Variants in PSMA1 observed in about 807,000 individuals in gnomAD.
PSMA1 encodes proteasome 20S subunit alpha 1, also known as proteasome subunit alpha type-1.
A neutral mutation model predicts 38.4 loss-of-function variants in PSMA1; 3 were observed. The observed-to-expected ratio is 0.08, with a 90% CI of 0.04 to 0.20. The LOEUF (loss-of-function observed/expected upper bound fraction) is 0.20. Ranked by LOEUF, PSMA1 falls within the 10% of genes least tolerant of loss-of-function variation. The pLI is 1.00. For synonymous variants in PSMA1, 101 were observed against 107.1 expected (o/e 0.94, Z 0.35); for missense variants, 227 against 325.3 (o/e 0.70, Z 2.32).
intron 2 of PSMA1, among the ~76,000 whole-genome samples, chr11:14,561,322 CT>C (rs1852005288): frequency 6.6e-6 from 1 of 152,158 alleles, no homozygotes; most frequent in Non-Finnish European, 1.5e-5. Context: ...ATAACATTAC[CT>C]GAGACTGTCC....
At chr11:14,589,328 GAT>G (rs143979548) in intron 2 of PSMA1, among the ~76,000 whole-genome samples, 22 of 148,404 alleles carry the variant, frequency 1.5e-4, no homozygotes, top group Non-Finnish European at 2.2e-4. Context: ...CATTAGGGAA[GAT>G]ATATATATAT....
At chr11:14,581,948 C>G (rs1852286121) in intron 2 of PSMA1, among the ~76,000 whole-genome samples, 1 of 152,214 alleles carries the variant, frequency 6.6e-6, no homozygotes, top group Non-Finnish European at 1.5e-5. Flanking sequence ...CCAGCAAAAA[C>G]TTTGCCCCTG....
chr11:14,583,400 A>T (rs992590138), intron 2 of PSMA1, among the ~76,000 whole-genome samples: 1 of 152,198 alleles, frequency 6.6e-6, no homozygotes, highest in African/African-American at 2.4e-5. Flanking sequence ...CTGGAGATGC[A>T]GACGAGTGCC....
At chr11:14,629,223 T>C (rs1338195612) in intron 1 of PSMA1, among the ~76,000 whole-genome samples, 2 of 152,162 alleles carry the variant, frequency 1.3e-5, no homozygotes, top group Non-Finnish European at 2.9e-5. Flanking sequence ...TTTGGTGTTT[T>C]AGACATGAAG....
chr11:14,577,797 T>C, intron 2 of PSMA1, among the ~76,000 whole-genome samples: 1 of 152,158 alleles, frequency 6.6e-6, no homozygotes, highest in East Asian at 1.9e-4. Flanking sequence ...AGTGTTCACA[T>C]CCTTAACTAT....
rs546181038 is a variant in PSMA1 at position 14,548,778 on chromosome 11, A to G, written c.22-29737T>C. On this transcript the variant is annotated intron_variant, in intron 2 of 10. Coordinates refer to the PSMA1 transcript ENST00000418988. ...AATTAATTCGCATCTTAAGCCACAA[A>G]TTAAAAATATATTGTCTTTTCTTGA... Among the ~76,000 whole-genome samples, 42 of 152,346 alleles carry G rather than the reference A, an allele frequency of 2.8e-4. No homozygotes were observed. In the South Asian group the frequency reaches 6.2e-3, roughly 23 times the overall value.
chr11:14,547,392 T>C (rs1260755227), intron 2 of PSMA1, among the ~76,000 whole-genome samples: 2 of 152,242 alleles, frequency 1.3e-5, no homozygotes, highest in Admixed American at 1.3e-4. Context: ...AACAATTTTC[T>C]GGGCAGTATA....
At chr11:14,522,588 T>C (rs888582691), upstream of PSMA1, among the ~76,000 whole-genome samples, 1 of 152,176 alleles carries the variant, frequency 6.6e-6, no homozygotes, top group South Asian at 2.1e-4. Context: ...CCTGTTTCTT[T>C]AATTTTTAAT....
chr11:14,521,207 C>A (rs1851522236), upstream of PSMA1, among the ~76,000 whole-genome samples: 1 of 148,474 alleles, frequency 6.7e-6, no homozygotes, highest in South Asian at 2.1e-4. Context: ...CCTGTAATCC[C>A]AGCGCTATTG....
intron 2 of PSMA1, among the ~76,000 whole-genome samples, chr11:14,536,223 T>C (rs1012519431): frequency 6.6e-6 from 1 of 152,196 alleles, no homozygotes; most frequent in African/African-American, 2.4e-5. Context: ...TGTCTTCTCA[T>C]TTTCAAAATA....
At chr11:14,530,114 C>T (rs1851630990) in intron 2 of PSMA1, among the ~76,000 whole-genome samples, 1 of 152,142 alleles carries the variant, frequency 6.6e-6, no homozygotes, top group Non-Finnish European at 1.5e-5. Context: ...ATGAGTCAGA[C>T]ACTAGTCCAC....
chr11:14,582,280 T>A (rs1232865376), intron 2 of PSMA1, among the ~76,000 whole-genome samples: 2 of 152,152 alleles, frequency 1.3e-5, no homozygotes, highest in African/African-American at 4.8e-5. Flanking sequence ...TTAGATCGAT[T>A]TAGACAATTT....
intron 1 of PSMA1, among the ~76,000 whole-genome samples, chr11:14,519,625 A>T (rs1851493176): frequency 1.3e-5 from 2 of 152,292 alleles, no homozygotes; most frequent in African/African-American, 4.8e-5. Context: ...TTAGAGGTGG[A>T]CACAAATAGC....
upstream of PSMA1, among the ~76,000 whole-genome samples, chr11:14,523,063 G>A (rs181343183): frequency 2.0e-4 from 31 of 152,200 alleles, no homozygotes; most frequent in East Asian, 5.0e-3. Flanking sequence ...GGGGCTTTGC[G>A]ATACATCCTT....
intron 2 of PSMA1, among the ~76,000 whole-genome samples, chr11:14,574,493 G>A (rs1040758277): frequency 6.6e-5 from 10 of 152,286 alleles, no homozygotes; most frequent in South Asian, 2.1e-4. Flanking sequence ...TTCAGAAGAC[G>A]TATGGTGATA....
In PSMA1 at chr11:14,571,609, C is replaced by T. The variant is rs550566004; in HGVS notation, c.21+39357G>A. On this transcript the variant is annotated intron_variant, in intron 2 of 10. Transcript: ENST00000418988. ...GCTAGGAAGAAACTGCATCAACTAACGAGCAAAATAACCAGCTAACATCAT... is the reference window on the plus strand; with the variant it reads ...GCTAGGAAGAAACTGCATCAACTAATGAGCAAAATAACCAGCTAACATCAT... Among the ~76,000 whole-genome samples the T allele has an allele frequency of 4.2e-3, 642 of 152,284 alleles. 5 individuals are homozygous for T. The highest frequency in any genetic ancestry group is 0.015 in the African/African-American group (613 of 41,554).
chr11:14,605,386 A>C (rs548710921), intron 2 of PSMA1, among the ~76,000 whole-genome samples: 1 of 151,656 alleles, frequency 6.6e-6, no homozygotes, highest in Admixed American at 6.6e-5. Flanking sequence ...TTGTCCATTA[A>C]TTTTTTTATT....
At chr11:14,608,946 C>T (rs906081862) in intron 2 of PSMA1, among the ~76,000 whole-genome samples, 4 of 152,094 alleles carry the variant, frequency 2.6e-5, no homozygotes, top group Middle Eastern at 3.4e-3. Flanking sequence ...AATTAAAGTA[C>T]AAAACTTGTC....
intron 2 of PSMA1, among the ~76,000 whole-genome samples, chr11:14,586,274 A>G (rs1852344190): frequency 6.6e-6 from 1 of 152,084 alleles, no homozygotes; most frequent in Non-Finnish European, 1.5e-5. Flanking sequence ...TCTACTAAAA[A>G]TACAAAAATT....
Sources: allele counts gnomAD v4.1 joint callset (sites outside exome capture counted in the v4.1 genomes callset), GRCh38; gene constraint gnomAD v4.1.1; transcripts MANE v1.5; gene names NCBI Gene and HGNC (gene_info 2026-07-23, HGNC 2026-07-21).